The following NRP1 variants were observed in gnomAD, a reference collection of about 807,000 sequenced individuals.
The protein encoded by NRP1 is neuropilin 1, also known as neuropilin-1.
NRP1 carries 35 observed loss-of-function variants against 106.7 expected under a neutral mutation model. The observed-to-expected ratio is 0.33, with a 90% confidence interval of 0.25 to 0.43. The LOEUF (loss-of-function observed/expected upper bound fraction) is 0.43. NRP1 is among the 20% of genes least tolerant of loss of function. The probability of loss-of-function intolerance (pLI) is 1.00; values close to 1 mark genes in which losing one functional copy is unlikely to be tolerated. For missense variants in NRP1, 1,024 were observed against 1,170.4 expected, an observed-to-expected ratio of 0.87 and a Z score of 1.83; for synonymous variants, 437 against 417.9, an observed-to-expected ratio of 1.05 and a Z score of -0.56.
At chr10:33,199,379 ATATATATATATTTTT>A in intron 11 of NRP1, among the ~76,000 whole-genome samples, 1 of 56,862 alleles carries the variant, frequency 1.8e-5, no homozygotes, top group Non-Finnish European at 3.2e-5. Context: ...ATATATATAT[ATATATATATATTTTT>A]TTTTTTTTTT....
intron 3 of NRP1, 116 bp from the exon 4 acceptor site, chr10:33,263,989 C>T: frequency 1.5e-6 from 1 of 684,578 alleles, no homozygotes; most frequent in South Asian, 1.8e-5. Context: ...AGTATAACCA[C>T]TGTTCTAATC....
rs1055252843 is a variant in NRP1, at chr10:33,178,856, C to A, written c.*1220G>T. 3 of 152,724 alleles carry A rather than the reference C, an allele frequency of 2.0e-5. No individual in the cohort carries two copies. The highest frequency in any genetic ancestry group is 7.2e-5 in the African/African-American group (3 of 41,554). 9.5% of individuals were successfully genotyped at this position (152,724 alleles called of 1,614,324 possible). On this transcript the variant is annotated 3_prime_UTR_variant, in exon 17 of 17. Coordinates refer to ENST00000374867, the MANE Select transcript of NRP1 (RefSeq NM_003873.7). ...AGTTAACAAGAAAACCAAAGTTAGA[C>A]TTTGGAGGGCAAAGTTAGGAATTTC...
chr10:33,228,493 T>A (rs1839855244), intron 6 of NRP1, among the ~76,000 whole-genome samples: 1 of 152,258 alleles, frequency 6.6e-6, no homozygotes, highest in Non-Finnish European at 1.5e-5. Flanking sequence ...AATATAATAT[T>A]TCAATTAATT....
intron 2 of NRP1, among the ~76,000 whole-genome samples, chr10:33,290,828 A>G (rs1191424106): frequency 6.6e-6 from 1 of 152,230 alleles, no homozygotes; most frequent in Non-Finnish European, 1.5e-5. Context: ...AACCCGTCAA[A>G]ACATCCAAGG....
At position 33,263,846 on chromosome 10, in the gene NRP1, G is replaced by A; in HGVS notation, c.458C>T (p.Thr153Ile). Residue 153 changes from threonine to isoleucine, a missense_variant, in exon 4 of 17, where the codon ACA (threonine) becomes ATA (isoleucine). Transcript: ENST00000374867. ...GGGGGACTTTATCACTCCACTAGGTGTTGTGTAGTTCTGGGAACATTCAGG... is the reference window on the plus strand; with the variant it reads ...GGGGGACTTTATCACTCCACTAGGTATTGTGTAGTTCTGGGAACATTCAGG... ...RGPECSQNYT[T>I]PSGVIKSPGF... The A allele has an allele frequency of 6.2e-7, 1 of 1,612,406 alleles. No individual in the cohort carries two copies. The highest frequency in any genetic ancestry group is 8.5e-7 in the Non-Finnish European group (1 of 1,178,444).
intron 9 of NRP1, among the ~76,000 whole-genome samples, chr10:33,210,184 A>C (rs1247267746): frequency 6.7e-6 from 1 of 149,710 alleles, no homozygotes; most frequent in Non-Finnish European, 1.5e-5. Context: ...TCTTCCAATT[A>C]AAATTTCTTT....
intron 10 of NRP1, among the ~76,000 whole-genome samples, chr10:33,203,987 G>C (rs1328570035): frequency 6.6e-6 from 1 of 151,400 alleles, no homozygotes; most frequent in Admixed American, 6.6e-5. Context: ...TGATCCACCC[G>C]CCTCGGCCTC....
At chr10:33,208,838 C>A (rs1838035906) in intron 9 of NRP1, among the ~76,000 whole-genome samples, 1 of 150,806 alleles carries the variant, frequency 6.6e-6, no homozygotes, top group Non-Finnish European at 1.5e-5. Context: ...CACACCTTTC[C>A]ACTGAAAAAA....
At chr10:33,289,591 T>A (rs1415730946) in intron 2 of NRP1, among the ~76,000 whole-genome samples, 1 of 152,172 alleles carries the variant, frequency 6.6e-6, no homozygotes, top group Non-Finnish European at 1.5e-5. Context: ...GAGCGGCAAT[T>A]CATTATCTTT....
chr10:33,233,274 G>A (rs2133011528), intron 6 of NRP1, among the ~76,000 whole-genome samples: 1 of 152,236 alleles, frequency 6.6e-6, no homozygotes, highest in East Asian at 1.9e-4. Flanking sequence ...CCACGGCACT[G>A]GGTTCTACCA....
intron 3 of NRP1, among the ~76,000 whole-genome samples, chr10:33,268,863 G>T (rs183303046): frequency 2.0e-5 from 3 of 151,872 alleles, no homozygotes; most frequent in Admixed American, 6.5e-5. Context: ...TATACGAAAG[G>T]TGTTCTAAGT....
At chr10:33,264,429 GT>G (rs1358321275) in intron 3 of NRP1, among the ~76,000 whole-genome samples, 6 of 152,186 alleles carry the variant, frequency 3.9e-5, no homozygotes, top group Non-Finnish European at 8.8e-5. Context: ...CTCATTCTGA[GT>G]GGTGTTGACA....
intron 2 of NRP1, among the ~76,000 whole-genome samples, chr10:33,273,940 C>T (rs1434581891): frequency 2.0e-5 from 3 of 152,072 alleles, no homozygotes; most frequent in African/African-American, 7.2e-5. Context: ...CAGACCTCAC[C>T]CTCCCCACTT....
intron 16 of NRP1, among the ~76,000 whole-genome samples, chr10:33,180,629 A>C (rs947159200): frequency 2.6e-5 from 4 of 152,220 alleles, no homozygotes; most frequent in African/African-American, 9.6e-5. Context: ...GATTTCATGC[A>C]GCCCCATCTG....
At chr10:33,220,816 G>T (rs544145625) in intron 8 of NRP1, among the ~76,000 whole-genome samples, 3 of 147,872 alleles carry the variant, frequency 2.0e-5, no homozygotes, top group Non-Finnish European at 4.4e-5. Context: ...CAGGAGAATC[G>T]CTGGAACCTG....
At chr10:33,184,855 C>T (rs1382937653) in intron 15 of NRP1, among the ~76,000 whole-genome samples, 1 of 152,166 alleles carries the variant, frequency 6.6e-6, no homozygotes, top group African/African-American at 2.4e-5. Context: ...CCTCCTTTGT[C>T]TTAAATTGGC....
At chr10:33,283,245 C>G (rs1844273846) in intron 2 of NRP1, among the ~76,000 whole-genome samples, 1 of 152,196 alleles carries the variant, frequency 6.6e-6, no homozygotes, top group African/African-American at 2.4e-5. Flanking sequence ...TAGAGAGTTT[C>G]CTCTTCTGTA....
intron 13 of NRP1, among the ~76,000 whole-genome samples, chr10:33,188,768 A>G (rs566014190): frequency 7.7e-4 from 117 of 151,426 alleles, no homozygotes; most frequent in Admixed American, 4.1e-3. Context: ...TAGCTCCTAC[A>G]TAGCTGTAGT....
chr10:33,292,419 A>G (rs1845062877), intron 2 of NRP1, among the ~76,000 whole-genome samples: 1 of 152,186 alleles, frequency 6.6e-6, no homozygotes, highest in Non-Finnish European at 1.5e-5. Flanking sequence ...TTACATAAAC[A>G]AAGTGGTTTT....
Sources: allele counts gnomAD v4.1 joint callset (sites outside exome capture counted in the v4.1 genomes callset), GRCh38; gene constraint gnomAD v4.1.1; transcripts MANE v1.5; gene names NCBI Gene and HGNC (gene_info 2026-07-23, HGNC 2026-07-21).